Variants in SMOC2 observed in about 807,000 individuals in gnomAD.
SMOC2 encodes SPARC-related modular calcium-binding protein 2.
SMOC2 carries 39 observed loss-of-function variants against 61.4 expected under a neutral mutation model. That is an observed-to-expected ratio of 0.64 (90% confidence interval 0.49 to 0.83). SMOC2 has a LOEUF of 0.83. SMOC2 is among the 40% of genes least tolerant of loss of function. The pLI is 0.00. For synonymous variants in SMOC2, 247 were observed against 239.9 expected, an observed-to-expected ratio of 1.03 and a Z score of -0.27; for missense variants, 556 against 592.9, an observed-to-expected ratio of 0.94 and a Z score of 0.65.
chr6:168,590,758 GT>G (rs887175504), intron 7 of SMOC2, among the ~76,000 whole-genome samples: 5 of 152,222 alleles, frequency 3.3e-5, no homozygotes, highest in East Asian at 3.9e-4. Context: ...TTATTTAAGA[GT>G]TTTTTTAATG....
rs372836085 is a variant in SMOC2 at position 168,610,708 on chromosome 6, G to C, written c.907+2469G>C. Among the ~76,000 whole-genome samples, 19 of 152,332 alleles carry C rather than the reference G, an allele frequency of 1.2e-4. No homozygotes were observed. The South Asian group carries it at 3.7e-3, about 30-fold the overall frequency. ...AAATACTTATTCACATCTTATGTAG[G>C]ACAGTTAGCAGGTGTTTGGCAGCAA... On this transcript the variant is annotated intron_variant, in intron 9 of 12. Transcript: ENST00000356284.
At chr6:168,631,262 A>G (rs979569836) in intron 9 of SMOC2, among the ~76,000 whole-genome samples, 2 of 152,170 alleles carry the variant, frequency 1.3e-5, no homozygotes, top group Non-Finnish European at 2.9e-5. Flanking sequence ...GAAAAATAGA[A>G]AAGAACCTAC....
intron 9 of SMOC2, among the ~76,000 whole-genome samples, chr6:168,628,746 C>T (rs1391480382): frequency 6.6e-6 from 1 of 152,252 alleles, no homozygotes; most frequent in Non-Finnish European, 1.5e-5. Context: ...GAAGGCACTA[C>T]CTGCTCTCCG....
At position 168,635,468 on chromosome 6, in the gene SMOC2, C is replaced by A. The variant is rs535271762; in HGVS notation, c.908-15213C>A. Reference sequence around the variant, plus strand: ...CCCTGCCAGCATTTTTATTTCATGTCTATTTTAATTAGCTTTTATGTTTAA... The same window carrying A: ...CCCTGCCAGCATTTTTATTTCATGTATATTTTAATTAGCTTTTATGTTTAA... On this transcript the variant is annotated intron_variant, in intron 9 of 12. Transcript: ENST00000356284. 1.2e-4 allele frequency among the ~76,000 whole-genome samples: 19 copies of A among 152,204 alleles called. No individual in the cohort carries two copies. The South Asian group carries it at 3.7e-3, about 30-fold the overall frequency.
intron 1 of SMOC2, among the ~76,000 whole-genome samples, chr6:168,487,247 G>A (rs969590354): frequency 5.3e-5 from 8 of 152,126 alleles, no homozygotes; most frequent in Non-Finnish European, 7.3e-5. Context: ...TCTCAGCTGC[G>A]GATGGGGAAA....
intron 9 of SMOC2, among the ~76,000 whole-genome samples, chr6:168,645,003 T>A (rs369926589): frequency 5.3e-5 from 8 of 152,362 alleles, no homozygotes; most frequent in African/African-American, 1.7e-4. Flanking sequence ...ATAAACTATT[T>A]GCTTTTATAT....
rs1199550609 is a variant in SMOC2 at position 168,615,051 on chromosome 6, A to G, written c.907+6812A>G. On this transcript the variant is annotated intron_variant, in intron 9 of 12. Transcript: ENST00000356284. ...ACAGGGCCTCTTCACATCTACAGCC[A>G]GCACAGGGCCTCTTCATACTTACAG... 1.7e-3 allele frequency among the ~76,000 whole-genome samples: 159 copies of G among 95,408 alleles called. 4 individuals carry two copies. The highest frequency in any genetic ancestry group is 2.6e-3 in the Non-Finnish European group (119 of 46,056). The allele number at this position is 95,408 out of a possible 152,430, so 62.6% of individuals were successfully genotyped here. A position where few individuals can be genotyped will look rare whatever the true frequency, so the allele number is the denominator to read the frequency against.
intron 2 of SMOC2, 57 bp downstream of exon 2, chr6:168,510,143 T>C: frequency 1.3e-6 from 2 of 1,534,758 alleles, no homozygotes; most frequent in South Asian, 2.3e-5. Flanking sequence ...TCAAAATGAA[T>C]GCAAACATAT....
rs139924234 is a variant in SMOC2 at position 168,450,965 on chromosome 6, C to T, written c.84+9511C>T. The stretch of plus-strand genomic sequence containing the variant: ...TTCAAACTAGATTTTCATCTTGATT[C>T]CATTATCCTAGGTTGGAAATACAGC... On this transcript the variant is annotated intron_variant, in intron 1 of 12. Transcript: ENST00000356284. Among the ~76,000 whole-genome samples the T allele has an allele frequency of 4.3e-3, 655 of 152,272 alleles. 4 individuals are homozygous for T. Among genetic ancestry groups the T allele is most frequent in the African/African-American group, 0.015 (635 of 41,544 alleles).
intron 7 of SMOC2, among the ~76,000 whole-genome samples, chr6:168,571,156 A>C (rs1399596940): frequency 6.6e-6 from 1 of 152,228 alleles, no homozygotes. Context: ...GCTGAGGTGC[A>C]AGATTGACTA....
intron 1 of SMOC2, among the ~76,000 whole-genome samples, chr6:168,508,905 A>G (rs923295363): frequency 0.048 from 7,280 of 152,238 alleles, 563 homozygotes; most frequent in African/African-American, 0.16. Context: ...AATCAAGGAG[A>G]ATACCCCTTG....
At chr6:168,467,667 C>T (rs1009944190) in intron 1 of SMOC2, among the ~76,000 whole-genome samples, 4 of 151,892 alleles carry the variant, frequency 2.6e-5, no homozygotes, top group Admixed American at 6.6e-5. Flanking sequence ...GTTGCCCAGG[C>T]GGATCTCAAA....
At chr6:168,505,636 T>C (rs1782857298) in intron 1 of SMOC2, among the ~76,000 whole-genome samples, 1 of 152,262 alleles carries the variant, frequency 6.6e-6, no homozygotes, top group African/African-American at 2.4e-5. Flanking sequence ...AAATGTCCTG[T>C]GGAAAGTTAT....
At chr6:168,647,485 C>A (rs557648429) in intron 9 of SMOC2, among the ~76,000 whole-genome samples, 47 of 152,234 alleles carry the variant, frequency 3.1e-4, no homozygotes, top group Admixed American at 2.8e-3. Context: ...GGGCCAGCGC[C>A]CCTGCGAGGG....
At chr6:168,478,939 G>A (rs1171746095) in intron 1 of SMOC2, among the ~76,000 whole-genome samples, 1 of 151,026 alleles carries the variant, frequency 6.6e-6, no homozygotes, top group East Asian at 2.0e-4. Flanking sequence ...ACCCTGTCTC[G>A]GGAAAAGGAG....
chr6:168,543,563 T>G, intron 4 of SMOC2, 62 bp from the exon 5 acceptor site: 1 of 1,428,904 alleles, frequency 7.0e-7, no homozygotes, highest in Non-Finnish European at 9.8e-7. Flanking sequence ...CATAACTTAA[T>G]TTGTGATGGC....
chr6:168,518,126 G>A (rs1178601618), intron 2 of SMOC2, among the ~76,000 whole-genome samples: 1 of 152,228 alleles, frequency 6.6e-6, no homozygotes, highest in Non-Finnish European at 1.5e-5. Flanking sequence ...GCCTCGCCTT[G>A]GAGGAAGCGG....
At chr6:168,531,506 T>C (rs985298033) in intron 4 of SMOC2, among the ~76,000 whole-genome samples, 1 of 151,918 alleles carries the variant, frequency 6.6e-6, no homozygotes, top group African/African-American at 2.4e-5. Flanking sequence ...AAGGAGAAGA[T>C]AGGAAAAGAC....
intron 8 of SMOC2, among the ~76,000 whole-genome samples, chr6:168,599,961 C>A (rs1785495176): frequency 6.6e-6 from 1 of 151,532 alleles, no homozygotes. Flanking sequence ...TCCACACTCA[C>A]ACACACATAC....
Sources: allele counts gnomAD v4.1 joint callset (sites outside exome capture counted in the v4.1 genomes callset), GRCh38; gene constraint gnomAD v4.1.1; transcripts MANE v1.5; gene names NCBI Gene and HGNC (gene_info 2026-07-23, HGNC 2026-07-21).